Variants in OGG1 observed in about 807,000 individuals in gnomAD.
OGG1 encodes the protein N-glycosylase/DNA lyase.
In OGG1, 35 loss-of-function variants were observed where a neutral mutation model predicts 42.3. The observed-to-expected ratio is 0.83, with a 90% CI of 0.63 to 1.10. The LOEUF is 1.10. Ranked by LOEUF, OGG1 falls within the 50% of genes least tolerant of loss-of-function variation. The pLI is 0.00. For missense variants in OGG1, 484 were observed against 446.7 expected (o/e 1.08, Z -0.75); for synonymous variants, 189 against 179.0 (o/e 1.06, Z -0.44).
At chr3:9,789,753 T>G, downstream of OGG1, 1 of 1,614,156 alleles carries the variant, frequency 6.2e-7, no homozygotes, top group South Asian at 1.1e-5. Context: ...GGCACGTCGA[T>G]AGGGTCATCA....
At chr3:9,762,239 T>TAATGTGA (rs1441087592), downstream of OGG1, 9 of 154,974 alleles carry the variant, frequency 5.8e-5, no homozygotes, top group African/African-American at 2.2e-4. Flanking sequence ...TGAGATGTAC[T>TAATGTGA]GCTAAATGTG....
chr3:9,781,086 T>C (rs1318386487), intron 2 of OGG1, among the ~76,000 whole-genome samples: 2 of 151,722 alleles, frequency 1.3e-5, no homozygotes, highest in Admixed American at 6.6e-5. Context: ...ACTATGATCA[T>C]GCCACTACAC....
downstream of OGG1, chr3:9,760,433 T>C: frequency 2.0e-6 from 1 of 492,986 alleles, no homozygotes. Context: ...AGACTATGTT[T>C]GAAGATTGAA....
chr3:9,751,149 T>C lies in OGG1; in HGVS notation c.342T>C (p.Gly114=), dbSNP rs1183844342. The C allele has an allele frequency of 1.2e-6, 2 of 1,614,088 alleles. No individual in the cohort carries two copies. The highest frequency in any genetic ancestry group is 1.7e-6 in the Non-Finnish European group (2 of 1,179,962). Residue 114 remains glycine (G), a synonymous_variant, in exon 2 of 7, where the codon GGT becomes GGC. Coordinates refer to ENST00000344629, the MANE Select transcript of OGG1 (RefSeq NM_002542.6). ...TGGCTCAACTGTATCACCACTGGGG[T>C]TCCGTGGACTCCCACTTCCAAGAGG... The part of the protein sequence containing the change: ...VTLAQLYHHW[G]SVDSHFQEVA...
At chr3:9,786,318 T>A (rs2125622895) in intron 3 of OGG1, among the ~76,000 whole-genome samples, 1 of 152,284 alleles carries the variant, frequency 6.6e-6, no homozygotes, top group East Asian at 1.9e-4. Flanking sequence ...CACCGTCAGC[T>A]GGGGTCCCTG....
exon 3 of OGG1, chr3:9,781,553 T>C (rs1267942437): frequency 2.2e-6 from 1 of 456,678 alleles, no homozygotes; most frequent in Admixed American, 2.3e-5. Context: ...CGTCGGCATC[T>C]GCATTCCAGA....
At chr3:9,768,325 A>G (rs1221548059), downstream of OGG1, among the ~76,000 whole-genome samples, 1 of 152,192 alleles carries the variant, frequency 6.6e-6, no homozygotes, top group Non-Finnish European at 1.5e-5. Context: ...CCACAGCAAC[A>G]ACAGCCACAG....
At chr3:9,763,514 A>C (rs1311300303) in intron 7 of OGG1, among the ~76,000 whole-genome samples, 1 of 151,734 alleles carries the variant, frequency 6.6e-6, no homozygotes, top group East Asian at 1.9e-4. Flanking sequence ...TCTCGTCCCC[A>C]AAGGGAAAAG....
At chr3:9,765,316 A>G (rs560460768) in intron 7 of OGG1, among the ~76,000 whole-genome samples, 1 of 152,200 alleles carries the variant, frequency 6.6e-6, no homozygotes, top group East Asian at 1.9e-4. Context: ...CAGTGAGGAC[A>G]GGAGGTTTCA....
intron 3 of OGG1, chr3:9,787,525 C>T: frequency 2.0e-6 from 2 of 1,017,012 alleles, no homozygotes; most frequent in South Asian, 3.4e-5. Flanking sequence ...GTAAGGGAGA[C>T]AGGTCCAAAA....
Position 9,750,314 on chromosome 3 carries a change from C to A in OGG1, c.28C>A (p.Arg10Ser), listed in dbSNP as rs777752946. Reference sequence around the variant, plus strand: ...GCCTGCCCGCGCGCTTCTGCCCAGGCGCATGGGGCATCGTACTCTAGCCTC... The same window carrying A: ...GCCTGCCCGCGCGCTTCTGCCCAGGAGCATGGGGCATCGTACTCTAGCCTC... MPARALLPRRMGHRTLASTP... is the reference protein window; with the variant it reads MPARALLPRSMGHRTLASTP... Residue 10 changes from arginine to serine, a missense_variant, in exon 1 of 7, where the codon CGC becomes AGC. Physicochemically the swap from Arg to Ser is moderately radical, Grantham distance 110. Transcript: ENST00000344629. 4 of 1,613,244 alleles carry A rather than the reference C, an allele frequency of 2.5e-6. No individual in the cohort carries two copies. Among genetic ancestry groups the A allele is most frequent in the Non-Finnish European group, 8.5e-7 (1 of 1,179,752 alleles).
downstream of OGG1, chr3:9,759,702 A>C: frequency 6.2e-7 from 1 of 1,614,146 alleles, no homozygotes. Flanking sequence ...CTCACAGGTG[A>C]ATCTTTTCTC....
chr3:9,757,875 G>A (rs779884146), downstream of OGG1: 8 of 1,581,360 alleles, frequency 5.1e-6, no homozygotes, highest in Admixed American at 1.7e-5. The surrounding 1 kb of genome is among the most constrained non-coding windows in gnomAD (Gnocchi z 4.5). Context: ...AAGGGAGAGG[G>A]GAGAAAGGAC....
chr3:9,789,970 T>G, downstream of OGG1: 1 of 1,580,528 alleles, frequency 6.3e-7, no homozygotes, highest in Non-Finnish European at 8.6e-7. Context: ...GGATCTGAAA[T>G]TTACAGAAAG....
At chr3:9,787,205 T>G in intron 3 of OGG1, 13 of 1,614,208 alleles carry the variant, frequency 8.1e-6, no homozygotes, top group Non-Finnish European at 1.1e-5. Context: ...CTACCTTTAG[T>G]GTCCAGTTCG....
Position 9,766,617 on chromosome 3 carries a change from C to T in OGG1, c.*786C>T, listed in dbSNP as rs571149006. The T allele has an allele frequency of 7.1e-5, 74 of 1,040,720 alleles. No individual in the cohort carries two copies. In the Admixed American group the frequency reaches 1.5e-3, roughly 21 times the overall value. 64.5% of individuals were successfully genotyped at this position (1,040,720 alleles called of 1,614,324 possible). On this transcript the variant is annotated 3_prime_UTR_variant, in exon 8 of 8. Transcript: ENST00000302008. The stretch of plus-strand genomic sequence containing the variant: ...AAGAAGCAGTGTTTTAGAACAGGTT[C>T]TTAAAAAGGAACAAATAAACTCATT...
intron 3 of OGG1, among the ~76,000 whole-genome samples, chr3:9,782,454 C>T (rs1049796840): frequency 1.6e-4 from 25 of 152,226 alleles, no homozygotes; most frequent in Admixed American, 8.5e-4. Flanking sequence ...CCCTGACACA[C>T]AGTAGGCCCT....
chr3:9,757,652 CA>C (rs1042281466), downstream of OGG1: 25 of 1,614,000 alleles, frequency 1.5e-5, no homozygotes, highest in African/African-American at 4.0e-5. The surrounding 1 kb of genome is among the most constrained non-coding windows in gnomAD (Gnocchi z 4.5). Context: ...GAGGTGGCCG[CA>C]GGGGCAGGCC....
At chr3:9,750,454 C>T in intron 1 of OGG1, 31 bp downstream of exon 1, 12 of 1,612,524 alleles carry the variant, frequency 7.4e-6, no homozygotes, top group East Asian at 2.2e-5. Flanking sequence ...AGCCTGTCCC[C>T]TCGGACTGGC....
Sources: allele counts gnomAD v4.1 joint callset (sites outside exome capture counted in the v4.1 genomes callset), GRCh38; gene constraint gnomAD v4.1.1; non-coding constraint Gnocchi (gnomAD v3.1); transcripts MANE v1.5; gene names NCBI Gene and HGNC (gene_info 2026-07-23, HGNC 2026-07-21).